Variants in TRMT9B observed in about 807,000 individuals in gnomAD.
TRMT9B encodes probable tRNA methyltransferase 9B.
Under a neutral mutation model 11.5 loss-of-function variants are expected in TRMT9B, and 16 were observed. The ratio of observed to expected loss-of-function variants is 1.39; its 90% confidence interval spans 0.94 to 2.11. The LOEUF (loss-of-function observed/expected upper bound fraction) is 2.11, where lower values mean the gene tolerates loss of function less well. TRMT9B is among the 30% of genes most tolerant of loss of function. The pLI is 0.00. For synonymous variants in TRMT9B, 274 were observed against 192.4 expected, an observed-to-expected ratio of 1.42 and a Z score of -3.51; for missense variants, 941 against 553.8, an observed-to-expected ratio of 1.70 and a Z score of -7.02.
chr8:13,000,419 G>A (rs76162076), intron 2 of TRMT9B, among the ~76,000 whole-genome samples: 1 of 152,156 alleles, frequency 6.6e-6, no homozygotes, highest in Non-Finnish European at 1.5e-5. Flanking sequence ...TCTCCTGTTA[G>A]TTTTCTGTCA....
intron 1 of TRMT9B, among the ~76,000 whole-genome samples, chr8:12,954,744 A>C (rs1801079458): frequency 6.6e-6 from 1 of 152,220 alleles, no homozygotes; most frequent in African/African-American, 2.4e-5. Context: ...TGATGCCATA[A>C]AGAAAGTACC....
intron 1 of TRMT9B, chr8:12,952,541 G>C (rs908623853): frequency 5.0e-6 from 1 of 198,240 alleles, no homozygotes; most frequent in Non-Finnish European, 9.1e-6. Flanking sequence ...AGTGCCTTAA[G>C]GGTTAAAGTG....
At chr8:12,986,060 C>T (rs912749155) in intron 1 of TRMT9B, among the ~76,000 whole-genome samples, 3 of 152,066 alleles carry the variant, frequency 2.0e-5, no homozygotes, top group African/African-American at 4.8e-5. Context: ...CGGGGTTTCA[C>T]CATGCTGGAC....
chr8:12,947,441 A>C (rs918443510), intron 1 of TRMT9B, among the ~76,000 whole-genome samples: 6 of 152,230 alleles, frequency 3.9e-5, no homozygotes, highest in Non-Finnish European at 8.8e-5. Flanking sequence ...TTTTTTTGGT[A>C]AGTCTCCATT....
rs1186599417 is a variant in TRMT9B, at chr8:13,021,142, GA to G, written c.464del (p.Asp155AlafsTer89). The G allele has an allele frequency of 6.2e-7, 1 of 1,613,774 alleles. No homozygotes were observed. Among genetic ancestry groups the G allele is most frequent in the Admixed American group, 1.7e-5 (1 of 59,972 alleles). On this transcript the variant is annotated frameshift_variant, in exon 5 of 5. Transcript: ENST00000524591. LOFTEE classifies it low-confidence loss of function (END_TRUNC). ...EQKNRHFEKQ[D>X]VLVPWNRALC... is the part of the protein sequence containing the mutation. ...AAAGAACCGTCACTTTGAGAAGCAA[GA>G]CGTGCTTGTTCCATGGAACAGGGCT...
Position 13,022,026 on chromosome 8 carries a change from A to T in TRMT9B, c.1347A>T (p.Lys449Asn). ...GTAACTGGTGTATCATTGCAGAGAAAAAGAGAGGTTGTGATTGATTGGATC... is the reference window on the plus strand; with the variant it reads ...GTAACTGGTGTATCATTGCAGAGAATAAGAGAGGTTGTGATTGATTGGATC... Reference protein sequence around the residue: ...DHGNWCIIAEKKRGCD With the variant: ...DHGNWCIIAENKRGCD The change falls in exon 5 of 5, where the codon AAA becomes AAT. Residue 449 changes from lysine (K) to asparagine (N), a missense_variant. Lys to Asn is a moderately conservative substitution (Grantham distance 94). Transcript: ENST00000524591. 1 of 1,595,024 alleles carries T rather than the reference A, an allele frequency of 6.3e-7. No individual in the cohort carries two copies. Among genetic ancestry groups the T allele is most frequent in the Non-Finnish European group, 8.5e-7 (1 of 1,172,232 alleles).
chr8:12,988,844 A>T (rs1482394882), intron 1 of TRMT9B, among the ~76,000 whole-genome samples: 1 of 152,192 alleles, frequency 6.6e-6, no homozygotes, highest in Non-Finnish European at 1.5e-5. Context: ...CTTGGTATTA[A>T]ATAAGGCAAG....
Position 13,021,781 on chromosome 8 carries a change from G to C in TRMT9B, c.1102G>C (p.Asp368His). The C allele has an allele frequency of 6.2e-7, 1 of 1,613,912 alleles. No homozygotes were observed. Among genetic ancestry groups the C allele is most frequent in the Non-Finnish European group, 8.5e-7 (1 of 1,179,872 alleles). ...NCVDAGNIED[D>H]NPSASKILRR... is the part of the protein sequence containing the mutation. ...TGTGGATGCAGGCAACATAGAAGAT[G>C]ATAATCCTTCTGCTAGTAAAATATT... Residue 368 changes from aspartate (D) to histidine (H), a missense_variant, in exon 5 of 5, where the codon GAT (aspartate) becomes CAT (histidine). By Grantham distance (81) the Asp-to-His change is moderately conservative (BLOSUM62 -1). Coordinates refer to ENST00000524591, the MANE Select transcript of TRMT9B (RefSeq NM_020844.3).
chr8:12,950,565 T>G (rs1050423714), intron 1 of TRMT9B, among the ~76,000 whole-genome samples: 1 of 94,438 alleles, frequency 1.1e-5, no homozygotes, highest in South Asian at 3.6e-4. Context: ...TTCTTTCTTT[T>G]TGAATGTGAG....
rs768329650 is a variant in TRMT9B at position 13,017,386 on chromosome 8, C to T, written c.329-3622C>T. On this transcript the variant is annotated intron_variant, in intron 4 of 4. Transcript: ENST00000524591. The stretch of plus-strand genomic sequence containing the variant: ...TGTCTGGGCTCTCAGCAGGAAAATA[C>T]TGCTTTAGGATGCATATATTGAGTA... Among the ~76,000 whole-genome samples, 8 of 152,248 alleles carry T rather than the reference C, an allele frequency of 5.3e-5. 1 individual carries two copies. In the South Asian group the frequency reaches 8.3e-4, roughly 16 times the overall value.
intron 1 of TRMT9B, among the ~76,000 whole-genome samples, chr8:12,985,902 C>T (rs1806212861): frequency 6.6e-6 from 1 of 151,852 alleles, no homozygotes; most frequent in Non-Finnish European, 1.5e-5. Context: ...ACTCTGTCAC[C>T]CAGGCTTGAG....
chr8:13,013,379 C>G (rs1812017031), intron 4 of TRMT9B, among the ~76,000 whole-genome samples: 1 of 152,172 alleles, frequency 6.6e-6, no homozygotes, highest in African/African-American at 2.4e-5. Context: ...TAATGCCACT[C>G]TGCTCATTTG....
intron 1 of TRMT9B, among the ~76,000 whole-genome samples, chr8:12,973,457 C>G (rs1803941385): frequency 6.6e-6 from 1 of 152,174 alleles, no homozygotes; most frequent in Non-Finnish European, 1.5e-5. Flanking sequence ...CTGAAAAAAT[C>G]TAAAGGCTGG....
chr8:12,968,784 G>T (rs923179988), intron 1 of TRMT9B, among the ~76,000 whole-genome samples: 1 of 152,216 alleles, frequency 6.6e-6, no homozygotes, highest in Admixed American at 6.5e-5. Context: ...TAGAAGAGGT[G>T]CAGTATGGTG....
chr8:13,010,414 A>C (rs1811378995), intron 3 of TRMT9B: 1 of 984,484 alleles, frequency 1.0e-6, no homozygotes, highest in East Asian at 1.1e-4. Context: ...CTGTCCTCTA[A>C]AGGAAATGGT....
At chr8:12,963,408 G>GCGCAGCAGAA (rs1802402505) in intron 1 of TRMT9B, among the ~76,000 whole-genome samples, 1 of 152,078 alleles carries the variant, frequency 6.6e-6, no homozygotes, top group African/African-American at 2.4e-5. Flanking sequence ...ACTCCAGCCT[G>GCGCAGCAGAA]GGAGACAGAG....
At chr8:13,013,807 G>A (rs929181584) in intron 4 of TRMT9B, among the ~76,000 whole-genome samples, 7 of 152,006 alleles carry the variant, frequency 4.6e-5, no homozygotes, top group Admixed American at 2.6e-4. Context: ...AAAATTAGCC[G>A]GGCATGGTAC....
At chr8:12,965,844 C>G (rs1365599245) in intron 1 of TRMT9B, among the ~76,000 whole-genome samples, 1 of 151,798 alleles carries the variant, frequency 6.6e-6, no homozygotes, top group African/African-American at 2.4e-5. Flanking sequence ...AAAACCCCAT[C>G]TCTACTAAAT....
At chr8:12,967,384 A>C (rs2203834) in intron 1 of TRMT9B, among the ~76,000 whole-genome samples, 132,326 of 152,210 alleles carry the variant, frequency 0.87, 57,654 homozygotes, top group Middle Eastern at 0.92. Flanking sequence ...AACTACTACT[A>C]CATCCTATAG....
Sources: gnomAD v4.1 joint callset for allele counts (sites outside exome capture counted in the v4.1 genomes callset) on GRCh38, gnomAD v4.1.1 for gene constraint, MANE v1.5 for transcripts, NCBI Gene and HGNC (gene_info 2026-07-23, HGNC 2026-07-21) for gene names.